The following CALD1 variants were observed in gnomAD, a reference collection of about 807,000 sequenced individuals.
CALD1 encodes caldesmon 1.
CALD1 carries 33 observed loss-of-function variants against 99.9 expected under a neutral mutation model. That is an observed-to-expected ratio of 0.33 (90% CI 0.25 to 0.44). The LOEUF (loss-of-function observed/expected upper bound fraction) is 0.44, where lower values mean the gene tolerates loss of function less well. Ranked by LOEUF, CALD1 falls within the 20% of genes least tolerant of loss-of-function variation. The pLI is 1.00. For missense variants in CALD1, 861 were observed against 962.1 expected (o/e 0.89, Z 1.39); for synonymous variants, 310 against 325.0 (o/e 0.95, Z 0.50).
intron 3 of CALD1, among the ~76,000 whole-genome samples, chr7:134,918,180 G>A (rs1221257054): frequency 1.3e-5 from 2 of 152,164 alleles, no homozygotes; most frequent in African/African-American, 4.8e-5. Context: ...AAAAATAAAT[G>A]TGAGAAAAAT....
chr7:134,806,730 A>G (rs1463908409), intron 1 of CALD1, among the ~76,000 whole-genome samples: 1 of 152,168 alleles, frequency 6.6e-6, no homozygotes, highest in Non-Finnish European at 1.5e-5. Flanking sequence ...TTGTGTGTAT[A>G]TTATCAATCC....
chr7:134,817,648 C>A (rs1483826550), intron 1 of CALD1, among the ~76,000 whole-genome samples: 2 of 152,078 alleles, frequency 1.3e-5, no homozygotes, highest in African/African-American at 4.8e-5. Flanking sequence ...TAAATCCCAA[C>A]CTATGAAGGA....
the CALD1 span, among the ~76,000 whole-genome samples, chr7:134,727,844 G>A: frequency 6.6e-6 from 1 of 152,208 alleles, no homozygotes; most frequent in African/African-American, 2.4e-5. Context: ...TTTTGGGTTG[G>A]TCTGTTGGGA....
chr7:134,814,848 G>A (rs1237206057), intron 1 of CALD1, among the ~76,000 whole-genome samples: 1 of 152,124 alleles, frequency 6.6e-6, no homozygotes, highest in African/African-American at 2.4e-5. Flanking sequence ...CTGGGTATTG[G>A]TCTTGACTGA....
At chr7:134,819,328 T>C (rs1222782136) in intron 1 of CALD1, among the ~76,000 whole-genome samples, 3 of 152,178 alleles carry the variant, frequency 2.0e-5, no homozygotes, top group African/African-American at 7.2e-5. Flanking sequence ...GTTTGACTTA[T>C]TACCTTTCTC....
intron 1 of CALD1, among the ~76,000 whole-genome samples, chr7:134,819,773 G>A (rs1798700967): frequency 6.6e-6 from 1 of 152,196 alleles, no homozygotes; most frequent in African/African-American, 2.4e-5. Flanking sequence ...CTACTTGGGA[G>A]GCTGAGGCAG....
chr7:134,856,398 G>A (rs1322328762), intron 2 of CALD1, among the ~76,000 whole-genome samples: 1 of 152,178 alleles, frequency 6.6e-6, no homozygotes, highest in African/African-American at 2.4e-5. Flanking sequence ...CCTGGGAAGG[G>A]TAGGTTCCCA....
At chr7:134,726,451 A>G in the CALD1 span, among the ~76,000 whole-genome samples, 1 of 138,064 alleles carries the variant, frequency 7.2e-6, no homozygotes, top group Admixed American at 7.6e-5. Flanking sequence ...TTATATATAT[A>G]ATATATATTA....
chr7:134,772,397 A>G (rs575203667), intron 1 of CALD1, among the ~76,000 whole-genome samples: 2 of 152,250 alleles, frequency 1.3e-5, no homozygotes, highest in East Asian at 3.9e-4. Flanking sequence ...GCCCAGCCTT[A>G]CTGTTCTTTT....
At chr7:134,763,230 G>C (rs1796794381) in intron 1 of CALD1, among the ~76,000 whole-genome samples, 1 of 152,160 alleles carries the variant, frequency 6.6e-6, no homozygotes, top group African/African-American at 2.4e-5. Flanking sequence ...TTTCTAAGGA[G>C]ATAGATTCCT....
At chr7:134,915,906 G>T (rs936143507) in intron 3 of CALD1, among the ~76,000 whole-genome samples, 1 of 152,154 alleles carries the variant, frequency 6.6e-6, no homozygotes, top group Admixed American at 6.5e-5. Flanking sequence ...GGTTTCCACT[G>T]ATTTAGGAAG....
chr7:134,823,179 T>C (rs1035635531), intron 1 of CALD1, among the ~76,000 whole-genome samples: 4 of 152,182 alleles, frequency 2.6e-5, no homozygotes, highest in Admixed American at 2.6e-4. Flanking sequence ...AAGATGCCTA[T>C]GAGAACAAAG....
At chr7:134,711,689 T>TGG in the CALD1 span, among the ~76,000 whole-genome samples, 1 of 56,002 alleles carries the variant, frequency 1.8e-5, no homozygotes, top group Non-Finnish European at 4.1e-5. Flanking sequence ...TATGTGTGTG[T>TGG]GTGTGTGTGT....
In CALD1 at chr7:134,946,489, C is replaced by T. The variant is rs751548888; in HGVS notation, c.1533-1019C>T. 3.3e-5 allele frequency among the ~76,000 whole-genome samples: 5 copies of T among 152,088 alleles called. No individual in the cohort carries two copies. The South Asian group carries it at 8.3e-4, about 25-fold the overall frequency. On this transcript the variant is annotated intron_variant, in intron 7 of 14. Coordinates refer to ENST00000361675, the MANE Select transcript of CALD1 (RefSeq NM_033138.4). ...ACAGCAACTCTTTATTTCCTGCTACCGCCCACCCTCTGCCTCTGGTAACTA... is the reference window on the plus strand; with the variant it reads ...ACAGCAACTCTTTATTTCCTGCTACTGCCCACCCTCTGCCTCTGGTAACTA...
At chr7:134,824,751 A>G (rs984062082) in intron 1 of CALD1, among the ~76,000 whole-genome samples, 1 of 152,304 alleles carries the variant, frequency 6.6e-6, no homozygotes, top group Non-Finnish European at 1.5e-5. Flanking sequence ...TCAATTGTAC[A>G]TACGGAGTTT....
chr7:134,891,710 C>CTT (rs762081711), intron 3 of CALD1: 514 of 968,060 alleles, frequency 5.3e-4, no homozygotes, highest in Middle Eastern at 1.1e-3. Flanking sequence ...TTTTTCCTTT[C>CTT]TTTTTTTTTT....
chr7:134,718,846 T>C, the CALD1 span, among the ~76,000 whole-genome samples: 3 of 152,200 alleles, frequency 2.0e-5, no homozygotes, highest in Non-Finnish European at 4.4e-5. Context: ...CTGGAGTTTT[T>C]ATTTCCCCAA....
At chr7:134,756,486 T>C (rs1315843110) in intron 1 of CALD1, among the ~76,000 whole-genome samples, 1 of 152,000 alleles carries the variant, frequency 6.6e-6, no homozygotes, top group African/African-American at 2.4e-5. Context: ...AGTGAGAGTT[T>C]GGGTTTAAAT....
intron 1 of CALD1, among the ~76,000 whole-genome samples, chr7:134,771,933 C>T (rs549501274): frequency 1.7e-4 from 26 of 152,034 alleles, no homozygotes; most frequent in Admixed American, 6.5e-4. Flanking sequence ...TTTTTTATAG[C>T]GCTTACCACT....
Sources: allele counts gnomAD v4.1 joint callset (sites outside exome capture counted in the v4.1 genomes callset), GRCh38; gene constraint gnomAD v4.1.1; transcripts MANE v1.5; gene names NCBI Gene and HGNC (gene_info 2026-07-23, HGNC 2026-07-21).